ZNF723: variants seen among roughly 807,000 people sequenced by gnomAD.
The protein encoded by ZNF723 is zinc finger protein 723.
Under a neutral mutation model 9.4 loss-of-function variants are expected in ZNF723, and 5 were observed. The ratio of observed to expected loss-of-function variants is 0.53; its 90% CI spans 0.28 to 1.12. ZNF723 has a LOEUF of 1.12. Among genes scored for constraint, ZNF723 ranks in the 50% most tolerant of loss-of-function variants. The pLI is 0.10. For synonymous variants in ZNF723, 158 were observed against 168.8 expected (o/e 0.94, Z 0.49); for missense variants, 450 against 501.5 (o/e 0.90, Z 0.98).
intron 3 of ZNF723, among the ~76,000 whole-genome samples, chr19:22,849,777 C>G (rs1017728824): frequency 6.6e-6 from 1 of 151,964 alleles, no homozygotes; most frequent in African/African-American, 2.4e-5. Flanking sequence ...CTCGTGGTGG[C>G]GCACTTCTGT....
At chr19:22,825,891 T>C in the ZNF723 span, among the ~76,000 whole-genome samples, 2 of 152,240 alleles carry the variant, frequency 1.3e-5, no homozygotes, top group East Asian at 3.8e-4. Flanking sequence ...ACCTAGATAA[T>C]GTGACTCTCC....
intron 1 of ZNF723, among the ~76,000 whole-genome samples, chr19:22,839,657 T>G (rs1479682695): frequency 6.6e-6 from 1 of 151,958 alleles, no homozygotes; most frequent in Non-Finnish European, 1.5e-5. Flanking sequence ...TTATTTTTAG[T>G]AGAGATGGGG....
At chr19:22,848,939 G>C (rs1261033737) in intron 2 of ZNF723, among the ~76,000 whole-genome samples, 1 of 151,914 alleles carries the variant, frequency 6.6e-6, no homozygotes, top group African/African-American at 2.4e-5. Flanking sequence ...ATTTTTAGTA[G>C]AGATGGGGTT....
chr19:22,837,548 G>A (rs1199343470), intron 1 of ZNF723, among the ~76,000 whole-genome samples: 12 of 152,150 alleles, frequency 7.9e-5, no homozygotes, highest in Non-Finnish European at 1.3e-4. Flanking sequence ...AACTCTGGGC[G>A]TGTGGGAAGG....
Position 22,845,889 on chromosome 19 carries a change from C to CTTT in ZNF723, c.4-2356_4-2354dup, listed in dbSNP as rs1214348571. Among the ~76,000 whole-genome samples, 885 of 124,358 alleles carry CTTT rather than the reference C, an allele frequency of 7.1e-3. 20 individuals are homozygous for CTTT. Among genetic ancestry groups the CTTT allele is most frequent in the African/African-American group, 0.026 (853 of 32,460 alleles). The allele number at this position is 124,358 out of a possible 152,430, so 81.6% of individuals were successfully genotyped here. On this transcript the variant is annotated intron_variant, in intron 1 of 3. Transcript: ENST00000600766. ...AGGAGGAGATAGGGAAAAAATATGC[C>CTTT]TTTTTTTTTTTTTTTTTTAGCTAAA...
chr19:22,842,901 G>A (rs1408499746), intron 1 of ZNF723, among the ~76,000 whole-genome samples: 1 of 152,338 alleles, frequency 6.6e-6, no homozygotes, highest in South Asian at 2.1e-4. Flanking sequence ...ACATCTTAAA[G>A]TTCCTCTTTG....
At chr19:22,823,863 TGA>T in the ZNF723 span, among the ~76,000 whole-genome samples, 1 of 152,238 alleles carries the variant, frequency 6.6e-6, no homozygotes, top group African/African-American at 2.4e-5. Context: ...GTCATATCAC[TGA>T]GCCCAGCACC....
intron 1 of ZNF723, among the ~76,000 whole-genome samples, chr19:22,845,379 T>C (rs960874150): frequency 6.6e-6 from 1 of 152,124 alleles, no homozygotes; most frequent in African/African-American, 2.4e-5. Context: ...GCTCGTGCCC[T>C]TTCCACGGGT....
intron 3 of ZNF723, among the ~76,000 whole-genome samples, chr19:22,854,706 T>G (rs764394008): frequency 6.6e-6 from 1 of 152,152 alleles, no homozygotes; most frequent in Non-Finnish European, 1.5e-5. Context: ...CTAAAAGATA[T>G]GAGAATATAT....
intron 3 of ZNF723, among the ~76,000 whole-genome samples, chr19:22,851,120 A>G (rs1247933364): frequency 2.0e-5 from 3 of 151,968 alleles, no homozygotes; most frequent in Non-Finnish European, 4.4e-5. Flanking sequence ...ATAGAATTCT[A>G]TATGTGTCTC....
At chr19:22,839,025 G>T (rs929138338) in intron 1 of ZNF723, among the ~76,000 whole-genome samples, 3 of 152,170 alleles carry the variant, frequency 2.0e-5, no homozygotes, top group African/African-American at 7.2e-5. Flanking sequence ...GGGATTACGG[G>T]CATGAGCCAC....
At chr19:22,838,967 G>A (rs1035426069) in intron 1 of ZNF723, among the ~76,000 whole-genome samples, 4 of 152,074 alleles carry the variant, frequency 2.6e-5, no homozygotes, top group East Asian at 2.0e-4. Flanking sequence ...GGCTGGTCTC[G>A]AACTCCTTAC....
At chr19:22,853,223 G>A (rs1024917899) in intron 3 of ZNF723, among the ~76,000 whole-genome samples, 2 of 151,840 alleles carry the variant, frequency 1.3e-5, no homozygotes, top group African/African-American at 2.4e-5. Flanking sequence ...TCTGTAGCTC[G>A]TAATGTGTTT....
rs1967506587 is a variant in ZNF723 at position 22,857,966 on chromosome 19, CAT to C, written c.1077_1078del (p.His359GlnfsTer13). ...AFSQSSHITT[H>X]KRIHTGEKPY... is the part of the protein sequence containing the mutation. The stretch of plus-strand genomic sequence containing the variant: ...CAGCCAGTCCTCACACATTACTACA[CAT>C]AAGAGAATTCACACTGGAGAGAAAC... On this transcript the variant is annotated frameshift_variant, in exon 4 of 4. Transcript: ENST00000600766. LOFTEE classifies it low-confidence loss of function (END_TRUNC). 1 of 1,533,790 alleles carries C rather than the reference CAT, an allele frequency of 6.5e-7. No individual in the cohort carries two copies. Among genetic ancestry groups the C allele is most frequent in the Non-Finnish European group, 9.0e-7 (1 of 1,108,046 alleles).
the ZNF723 span, among the ~76,000 whole-genome samples, chr19:22,817,841 T>G: frequency 6.6e-6 from 1 of 152,074 alleles, no homozygotes; most frequent in African/African-American, 2.4e-5. Flanking sequence ...ACATGTCATA[T>G]AACGCCTTTG....
At chr19:22,843,984 C>T (rs532915810) in intron 1 of ZNF723, among the ~76,000 whole-genome samples, 11 of 152,108 alleles carry the variant, frequency 7.2e-5, no homozygotes, top group Non-Finnish European at 1.6e-4. Context: ...AGGTCCACTC[C>T]CTGCCCCAGT....
chr19:22,849,592 C>G (rs1967364689), intron 3 of ZNF723, among the ~76,000 whole-genome samples: 1 of 152,116 alleles, frequency 6.6e-6, no homozygotes, highest in Non-Finnish European at 1.5e-5. Flanking sequence ...TTCAAGGGAA[C>G]CATAAATATC....
At chr19:22,820,323 A>T in the ZNF723 span, among the ~76,000 whole-genome samples, 2 of 152,142 alleles carry the variant, frequency 1.3e-5, no homozygotes, top group African/African-American at 2.4e-5. Context: ...CACAGGGAGA[A>T]TTGTGACATA....
chr19:22,837,737 C>T (rs1244173329), intron 1 of ZNF723, among the ~76,000 whole-genome samples: 1 of 152,182 alleles, frequency 6.6e-6, no homozygotes, highest in Non-Finnish European at 1.5e-5. Flanking sequence ...GCCCACTGGA[C>T]ATTGACATGT....
Sources: gnomAD v4.1 joint callset for allele counts (sites outside exome capture counted in the v4.1 genomes callset) on GRCh38, gnomAD v4.1.1 for gene constraint, MANE v1.5 for transcripts, NCBI Gene and HGNC (gene_info 2026-07-23, HGNC 2026-07-21) for gene names.